The following BIRC6 variants were observed in gnomAD, a reference collection of about 807,000 sequenced individuals.
BIRC6 encodes the protein baculoviral IAP repeat containing 6, also known as dual E2 ubiquitin-conjugating enzyme/E3 ubiquitin-protein ligase BIRC6.
Under a neutral mutation model 503.3 loss-of-function variants are expected in BIRC6, and 98 were observed. The ratio of observed to expected loss-of-function variants is 0.19; its 90% confidence interval spans 0.17 to 0.23. The LOEUF (loss-of-function observed/expected upper bound fraction) is 0.23, where lower values mean the gene tolerates loss of function less well. Among genes scored for constraint, BIRC6 ranks in the 10% least tolerant of loss-of-function variants. The pLI, the probability that BIRC6 is intolerant of heterozygous loss-of-function variation, is 1.00. For missense variants in BIRC6, 5,360 were observed against 5,806.0 expected (o/e 0.92, Z 2.50); for synonymous variants, 2,240 against 2,078.7 (o/e 1.08, Z -2.11).
intron 59 of BIRC6, 49 bp downstream of exon 59, chr2:32,525,677 A>G (rs781768592): frequency 1.3e-6 from 2 of 1,552,600 alleles, no homozygotes; most frequent in Non-Finnish European, 1.7e-6. Context: ...GTAGCCTTAA[A>G]ACTATGTAAA....
intron 4 of BIRC6, among the ~76,000 whole-genome samples, chr2:32,389,773 T>C (rs2038971814): frequency 6.6e-6 from 1 of 152,268 alleles, no homozygotes; most frequent in South Asian, 2.1e-4. Flanking sequence ...CTTGGCTCAC[T>C]GCAACCTCTG....
chr2:32,364,200 T>G (rs2034539373), intron 1 of BIRC6, among the ~76,000 whole-genome samples: 1 of 152,206 alleles, frequency 6.6e-6, no homozygotes, highest in South Asian at 2.1e-4. Context: ...CGAAGTGAAT[T>G]CCAGATCTGT....
intron 49 of BIRC6, 118 bp downstream of exon 49, chr2:32,503,354 C>A: frequency 1.2e-6 from 1 of 835,992 alleles, no homozygotes; most frequent in Non-Finnish European, 1.9e-6. Flanking sequence ...TAATTACAAA[C>A]AGTTTATTTT....
chr2:32,430,105 T>C (rs2043932587), intron 11 of BIRC6, among the ~76,000 whole-genome samples: 1 of 152,184 alleles, frequency 6.6e-6, no homozygotes, highest in African/African-American at 2.4e-5. Flanking sequence ...AGATGTAATT[T>C]GAATTAAACT....
At chr2:32,592,339 A>G (rs1052557426) in intron 66 of BIRC6, among the ~76,000 whole-genome samples, 2 of 152,252 alleles carry the variant, frequency 1.3e-5, no homozygotes, top group Non-Finnish European at 2.9e-5. Flanking sequence ...CAGTTAAGTC[A>G]GGTGACATAA....
chr2:32,530,973 T>A (rs965308978), intron 60 of BIRC6, among the ~76,000 whole-genome samples: 3 of 152,238 alleles, frequency 2.0e-5, no homozygotes, highest in Admixed American at 6.5e-5. Flanking sequence ...ATGAGAACTT[T>A]GAGAACTTAT....
chr2:32,482,690 T>G, intron 39 of BIRC6, 108 bp downstream of exon 39: 1 of 1,184,330 alleles, frequency 8.4e-7, no homozygotes, highest in Non-Finnish European at 1.2e-6. Flanking sequence ...GCCAGTGGGT[T>G]TAGTATCACA....
At chr2:32,395,891 A>G (rs1192402022) in intron 6 of BIRC6, among the ~76,000 whole-genome samples, 1 of 152,162 alleles carries the variant, frequency 6.6e-6, no homozygotes, top group African/African-American at 2.4e-5. Flanking sequence ...CAGCAGTTGA[A>G]TCTTGGTCTG....
chr2:32,401,441 C>G (rs1235153979), intron 7 of BIRC6, 22 bp from the exon 8 acceptor site: 1 of 1,613,144 alleles, frequency 6.2e-7, no homozygotes, highest in Admixed American at 1.7e-5. Context: ...CAGTTGTAAA[C>G]TTAGGCTTTT....
chr2:32,498,422 T>C (rs1435974033), intron 45 of BIRC6, among the ~76,000 whole-genome samples: 2 of 152,218 alleles, frequency 1.3e-5, no homozygotes, highest in Non-Finnish European at 2.9e-5. Context: ...CACATTCCAC[T>C]TTAAAATATT....
At chr2:32,470,891 G>T in intron 31 of BIRC6, 123 bp from the exon 32 acceptor site, 1 of 947,874 alleles carries the variant, frequency 1.1e-6, no homozygotes, top group Non-Finnish European at 1.5e-6. Context: ...ATAAATATTA[G>T]TGTTAGTAAT....
At chr2:32,536,523 A>G (rs764789340) in intron 61 of BIRC6, among the ~76,000 whole-genome samples, 5 of 152,226 alleles carry the variant, frequency 3.3e-5, no homozygotes, top group Admixed American at 2.0e-4. Context: ...CTTTCTACAT[A>G]TGGCTAGCCA....
Position 32,414,935 on chromosome 2 carries a change from G to C in BIRC6, c.1644G>C (p.Lys548Asn). 1 of 1,613,914 alleles carries C rather than the reference G, an allele frequency of 6.2e-7. No homozygotes were observed. The highest frequency in any genetic ancestry group is 1.6e-4 in the Middle Eastern group (1 of 6,062). Residue 548 changes from lysine (K) to asparagine (N), a missense_variant, in exon 10 of 74, where the codon AAG (lysine) becomes AAC (asparagine). Lys to Asn is a moderately conservative substitution (Grantham distance 94, BLOSUM62 0). Transcript: ENST00000421745. ...CAAATCCTTGTTTAACAAACTCTAA[G>C]AGTGAAAAGACAAAGGAAAAGCACC... ...LGANPCLTNS[K>N]SEKTKEKHQE...
At chr2:32,478,906 G>T in intron 36 of BIRC6, 88 bp downstream of exon 36, 1 of 1,326,204 alleles carries the variant, frequency 7.5e-7, no homozygotes, top group Admixed American at 2.2e-5. Context: ...TTAACCCCTA[G>T]AGGGATCTTT....
intron 23 of BIRC6, among the ~76,000 whole-genome samples, chr2:32,456,775 A>G (rs2047309292): frequency 6.6e-6 from 1 of 151,932 alleles, no homozygotes; most frequent in South Asian, 2.1e-4. Context: ...TTTATTGGTT[A>G]TTTTACCTGT....
chr2:32,515,554 A>G lies in BIRC6; in HGVS notation c.11133A>G (p.Leu3711=), dbSNP rs375187607. 61 of 1,613,900 alleles carry G rather than the reference A, an allele frequency of 3.8e-5. 1 individual carries two copies. The highest frequency in any genetic ancestry group is 2.5e-4 in the Admixed American group (15 of 59,996). The change falls in exon 55 of 74, where the codon CTA becomes CTG. Residue 3711 remains leucine (L), a synonymous_variant. Transcript: ENST00000421745. ...TTGGTGGTTCTGAAGTCAATCCACTATGGACAGCACTTCTGTTTTTATTGT... is the reference window on the plus strand; with the variant it reads ...TTGGTGGTTCTGAAGTCAATCCACTGTGGACAGCACTTCTGTTTTTATTGT... ...DWLGGSEVNP[L]WTALLFLLCH... is the part of the protein sequence containing the mutation.
intron 4 of BIRC6, among the ~76,000 whole-genome samples, chr2:32,391,795 G>C (rs1224946970): frequency 6.6e-6 from 1 of 152,188 alleles, no homozygotes; most frequent in African/African-American, 2.4e-5. Context: ...GAAAACATAT[G>C]TAATCTACCC....
intron 57 of BIRC6, among the ~76,000 whole-genome samples, chr2:32,520,875 TTATTGA>T (rs1553480854): frequency 2.6e-5 from 4 of 152,120 alleles, no homozygotes; most frequent in Non-Finnish European, 5.9e-5. Context: ...TGAAGCTCAG[TTATTGA>T]TATTGATATT....
chr2:32,616,403 CA>C (rs533649273), intron 73 of BIRC6, among the ~76,000 whole-genome samples: 1 of 151,396 alleles, frequency 6.6e-6, no homozygotes, highest in African/African-American at 2.4e-5. Context: ...ACCAAAAACA[CA>C]AAAAAATTAA....
Sources: gnomAD v4.1 joint callset for allele counts (sites outside exome capture counted in the v4.1 genomes callset) on GRCh38, gnomAD v4.1.1 for gene constraint, MANE v1.5 for transcripts, NCBI Gene and HGNC (gene_info 2026-07-23, HGNC 2026-07-21) for gene names.